Variants in MSR1 observed in about 807,000 individuals in gnomAD.
The protein encoded by MSR1 is macrophage scavenger receptor types I and II.
MSR1 carries 53 observed loss-of-function variants against 47.2 expected under a neutral mutation model. The observed-to-expected ratio is 1.12, with a 90% confidence interval of 0.90 to 1.41. MSR1 has a LOEUF of 1.41. MSR1 is among the 40% of genes most tolerant of loss of function. The pLI is 0.00. For missense variants in MSR1, 786 were observed against 546.9 expected (o/e 1.44, Z -4.36); for synonymous variants, 239 against 185.6 (o/e 1.29, Z -2.34).
chr8:16,187,568 T>C, intron 1 of MSR1, among the ~76,000 whole-genome samples: 1 of 152,016 alleles, frequency 6.6e-6, no homozygotes, highest in East Asian at 1.9e-4. Context: ...GCCAGATCCA[T>C]GATGTGGACT....
chr8:16,145,022 T>G (rs1462865232), intron 7 of MSR1, among the ~76,000 whole-genome samples: 1 of 152,110 alleles, frequency 6.6e-6, no homozygotes, highest in Non-Finnish European at 1.5e-5. Context: ...ATATATATAA[T>G]GTAACATATA....
intron 6 of MSR1, among the ~76,000 whole-genome samples, chr8:16,153,875 T>A (rs967989803): frequency 1.3e-5 from 2 of 151,988 alleles, no homozygotes; most frequent in Non-Finnish European, 2.9e-5. Flanking sequence ...AATATCTGAT[T>A]AGCATTAGTC....
chr8:16,190,979 C>T (rs1022016708), intron 1 of MSR1, among the ~76,000 whole-genome samples: 1 of 152,114 alleles, frequency 6.6e-6, no homozygotes. Context: ...CCTTGGCCTC[C>T]CAAAGTGCTG....
At chr8:16,143,071 C>A (rs149259533) in intron 8 of MSR1, among the ~76,000 whole-genome samples, 1 of 152,134 alleles carries the variant, frequency 6.6e-6, no homozygotes, top group African/African-American at 2.4e-5. Context: ...GAAATCTATT[C>A]TGTTGTAGGT....
At chr8:16,120,913 T>G (rs1256650090) in intron 8 of MSR1, 2 of 387,874 alleles carry the variant, frequency 5.2e-6, no homozygotes. Context: ...GATACAAGTT[T>G]ATTGTCACTT....
At chr8:16,149,899 G>C (rs1042084474) in intron 7 of MSR1, among the ~76,000 whole-genome samples, 1 of 151,522 alleles carries the variant, frequency 6.6e-6, no homozygotes, top group Non-Finnish European at 1.5e-5. Flanking sequence ...GATGATTTAT[G>C]ATTGTGAGGA....
At chr8:16,177,270 T>A (rs2117207828) in intron 2 of MSR1, among the ~76,000 whole-genome samples, 1 of 152,098 alleles carries the variant, frequency 6.6e-6, no homozygotes, top group African/African-American at 2.4e-5. Flanking sequence ...TGATATTGGA[T>A]TAGGGTGAAC....
chr8:16,167,774 TTCTG>T (rs1051713416), intron 4 of MSR1, among the ~76,000 whole-genome samples: 3 of 152,224 alleles, frequency 2.0e-5, no homozygotes, highest in African/African-American at 7.2e-5. Context: ...CATTTTCGCT[TTCTG>T]TCTTTCTTAT....
intron 1 of MSR1, 84 bp from the exon 2 acceptor site, chr8:16,178,076 G>T (rs1046500508): frequency 2.0e-6 from 2 of 1,025,238 alleles, no homozygotes; most frequent in Non-Finnish European, 1.5e-6. Context: ...TGAAATTTCA[G>T]TTTGAAATGG....
At chr8:16,137,368 T>G (rs1800416578) in intron 8 of MSR1, among the ~76,000 whole-genome samples, 1 of 152,160 alleles carries the variant, frequency 6.6e-6, no homozygotes, top group South Asian at 2.1e-4. Flanking sequence ...CTTTAGCTCT[T>G]CAAATTACTA....
chr8:16,125,548 C>T (rs1042934002), intron 8 of MSR1, among the ~76,000 whole-genome samples: 7 of 152,082 alleles, frequency 4.6e-5, no homozygotes, highest in African/African-American at 1.4e-4. Context: ...CATTTCTTTA[C>T]ATCTCTATGA....
intron 1 of MSR1, among the ~76,000 whole-genome samples, chr8:16,189,995 A>C (rs2116953511): frequency 6.8e-6 from 1 of 147,740 alleles, no homozygotes; most frequent in African/African-American, 2.5e-5. Context: ...GCTGACTGAA[A>C]CCTCTGCCTC....
Position 16,188,685 on chromosome 8 carries a change from C to T in MSR1, c.-5+3913G>A, listed in dbSNP as rs889087431. ...TTGCCTCCCACCTACTGACAGGCCC[C>T]GGTGTGTGATGCTCCCCTCCCTGTG... On this transcript the variant is annotated intron_variant, in intron 1 of 9. Coordinates refer to ENST00000262101, the MANE Select transcript of MSR1 (RefSeq NM_138715.3). Among the ~76,000 whole-genome samples the T allele has an allele frequency of 4.0e-5, 6 of 151,806 alleles. No homozygotes were observed. The East Asian group carries it at 5.8e-4, about 15-fold the overall frequency.
At position 16,108,897 on chromosome 8, in the gene MSR1, C is replaced by T. The variant is rs1415441716; in HGVS notation, c.*1188G>A. ...ACAGTAGAGTAATTCCATAATAGTA[C>T]TAGTTTACAATTACTTTTTTTGTGA... is the stretch of plus-strand genomic sequence containing the variant. On this transcript the variant is annotated 3_prime_UTR_variant, in exon 10 of 10. Coordinates refer to ENST00000262101, the MANE Select transcript of MSR1 (RefSeq NM_138715.3). 6.6e-6 allele frequency: 1 copy of T among 152,174 alleles called. No homozygotes were observed. Among genetic ancestry groups the T allele is most frequent in the Admixed American group, 6.5e-5 (1 of 15,284 alleles). The allele number at this position is 152,174 out of a possible 1,614,324, so 9.4% of individuals were successfully genotyped here.
intron 5 of MSR1, among the ~76,000 whole-genome samples, chr8:16,159,159 C>A (rs375944050): frequency 9.2e-4 from 139 of 151,636 alleles, no homozygotes; most frequent in African/African-American, 3.2e-3. Context: ...AATTCAAATG[C>A]CCTCAGTTGC....
rs1280064816 is a variant in MSR1 at position 16,134,347 on chromosome 8, T to G, written c.1033+9211A>C. Among the ~76,000 whole-genome samples, 3 of 152,130 alleles carry G rather than the reference T, an allele frequency of 2.0e-5. No homozygotes were observed. In the East Asian group the frequency reaches 5.8e-4, roughly 29 times the overall value. ...GAATTTTTGAAATCCATGTATAGTG[T>G]TTTCCTAATACATATTTTCCATGAT... On this transcript the variant is annotated intron_variant, in intron 8 of 9. Transcript: ENST00000262101.
intron 8 of MSR1, among the ~76,000 whole-genome samples, chr8:16,129,905 C>T (rs1252970482): frequency 7.2e-5 from 11 of 152,144 alleles, no homozygotes; most frequent in Non-Finnish European, 1.5e-5. Flanking sequence ...AAATTTCTTA[C>T]TGCAGAATAG....
intron 8 of MSR1, chr8:16,140,831 C>A: frequency 6.4e-7 from 1 of 1,551,956 alleles, no homozygotes; most frequent in Non-Finnish European, 8.7e-7. Flanking sequence ...CAAACAGCAC[C>A]AGGGACCAGG....
intron 1 of MSR1, among the ~76,000 whole-genome samples, chr8:16,192,370 T>C (rs1260410758): frequency 6.6e-6 from 1 of 152,180 alleles, no homozygotes; most frequent in Non-Finnish European, 1.5e-5. Context: ...TGAACATATA[T>C]GTTTTTCACT....
Sources: gnomAD v4.1 joint callset for allele counts (sites outside exome capture counted in the v4.1 genomes callset) on GRCh38, gnomAD v4.1.1 for gene constraint, MANE v1.5 for transcripts, NCBI Gene and HGNC (gene_info 2026-07-23, HGNC 2026-07-21) for gene names.